RPH3AL: variants seen among roughly 807,000 people sequenced by gnomAD.
The protein encoded by RPH3AL is rabphilin 3A like (without C2 domains).
A neutral mutation model predicts 43.1 loss-of-function variants in RPH3AL; 38 were observed. The observed-to-expected ratio is 0.88, with a 90% confidence interval of 0.68 to 1.15. The LOEUF (loss-of-function observed/expected upper bound fraction) is 1.15, where lower values mean the gene tolerates loss of function less well. RPH3AL is among the 50% of genes most tolerant of loss of function. The pLI is 0.00. For synonymous variants in RPH3AL, 189 were observed against 176.3 expected, an observed-to-expected ratio of 1.07 and a Z score of -0.57; for missense variants, 462 against 423.2, an observed-to-expected ratio of 1.09 and a Z score of -0.81.
chr17:316,349 CT>C (rs2044182677), intron 5 of RPH3AL, among the ~76,000 whole-genome samples: 1 of 151,438 alleles, frequency 6.6e-6, no homozygotes, highest in Non-Finnish European at 1.5e-5. Context: ...GACCTGTAGT[CT>C]CTGTGCTCCA....
In RPH3AL at chr17:213,836, C is replaced by T. The variant is rs577433263; in HGVS notation, c.*16G>A. 1.9e-6 allele frequency: 3 copies of T among 1,607,280 alleles called. No individual in the cohort carries two copies. Among genetic ancestry groups the T allele is most frequent in the South Asian group, 1.1e-5 (1 of 90,924 alleles). ...GGAATCCTCCACAGGGAAGTCTGTT[C>T]CAGGCACCAGACACCTCAGCCCAGG... is the stretch of plus-strand genomic sequence containing the variant. On this transcript the variant is annotated 3_prime_UTR_variant, in exon 10 of 10. Coordinates refer to ENST00000331302, the MANE Select transcript of RPH3AL (RefSeq NM_006987.4).
intron 7 of RPH3AL, among the ~76,000 whole-genome samples, chr17:239,566 T>C (rs1242804672): frequency 6.6e-6 from 1 of 152,208 alleles, no homozygotes; most frequent in African/African-American, 2.4e-5. Context: ...AGTAACTTTA[T>C]AGTAAGCTTT....
chr17:243,608 T>C (rs1348746903), intron 7 of RPH3AL, among the ~76,000 whole-genome samples: 2 of 144,772 alleles, frequency 1.4e-5, no homozygotes, highest in Non-Finnish European at 3.1e-5. Context: ...CCTTCCTCTA[T>C]TGATTACCTT....
At position 249,826 on chromosome 17, in the gene RPH3AL, C is replaced by T. The variant is rs140035840; in HGVS notation, c.439-2541G>A. On this transcript the variant is annotated intron_variant, in intron 6 of 9. Transcript: ENST00000331302. ...CTTTATTTACTAAGCTCCATCACTG[C>T]GGGACCTCTCGGGGCCTTTACCAAG... Among the ~76,000 whole-genome samples, 300 of 143,498 alleles carry T rather than the reference C, an allele frequency of 2.1e-3. 1 individual carries two copies. The highest frequency in any genetic ancestry group is 7.5e-3 in the African/African-American group (284 of 38,066). The allele number at this position is 143,498 out of a possible 152,430, so 94.1% of individuals were successfully genotyped here. A position where few individuals can be genotyped will look rare whatever the true frequency, so the allele number is the denominator to read the frequency against.
At chr17:217,431 T>C (rs9907616) in intron 8 of RPH3AL, among the ~76,000 whole-genome samples, 7,471 of 17,230 alleles carry the variant, frequency 0.43, 2,697 homozygotes, top group African/African-American at 0.5. Context: ...CCTTCTTCTG[T>C]GCCAAAATTG....
At chr17:217,823 C>G (rs867128650) in intron 8 of RPH3AL, among the ~76,000 whole-genome samples, 2 of 108,298 alleles carry the variant, frequency 1.8e-5, no homozygotes, top group South Asian at 4.1e-4. Context: ...TCATTCCCAT[C>G]TGGGGCAGTT....
chr17:244,846 C>T (rs1190231669), intron 7 of RPH3AL, among the ~76,000 whole-genome samples: 1 of 152,108 alleles, frequency 6.6e-6, no homozygotes, highest in East Asian at 1.9e-4. Context: ...AGTATGTGTG[C>T]GTGTGGGCAA....
Position 246,968 on chromosome 17 carries a change from G to T in RPH3AL, c.613+143C>A. The T allele has an allele frequency of 1.1e-6, 1 of 872,848 alleles. No individual in the cohort carries two copies. The highest frequency in any genetic ancestry group is 1.9e-6 in the Non-Finnish European group (1 of 539,856). 54.1% of individuals were successfully genotyped at this position (872,848 alleles called of 1,614,324 possible). ...CTCACTCGGGAGAAGGTGTGGAGCT[G>T]AGGGCACAGGGAGGGACGCATCACC... is the stretch of plus-strand genomic sequence containing the variant. On this transcript the variant is annotated intron_variant, in intron 7 of 9. Transcript: ENST00000331302. This position sits in a 1 kb window ranked among gnomAD's most constrained non-coding sequence, Gnocchi z 4.8.
chr17:338,982 C>T (rs978162523), intron 1 of RPH3AL: 1 of 153,082 alleles, frequency 6.5e-6, no homozygotes, highest in African/African-American at 2.4e-5. Context: ...GCCCAGACTC[C>T]AGCTCCCAGG....
chr17:331,762 CT>C (rs1219799627), intron 2 of RPH3AL: 53 of 1,288,998 alleles, frequency 4.1e-5, no homozygotes, highest in Admixed American at 9.2e-5. Context: ...ACCTCTTGGG[CT>C]CAGAGGGCAG....
chr17:277,625 A>G (rs1045674801), intron 6 of RPH3AL, among the ~76,000 whole-genome samples: 1 of 152,182 alleles, frequency 6.6e-6, no homozygotes, highest in African/African-American at 2.4e-5. Flanking sequence ...GCTTTACTCA[A>G]GACCCTCCAA....
At chr17:244,799 G>A (rs75929675) in intron 7 of RPH3AL, among the ~76,000 whole-genome samples, 6,245 of 152,264 alleles carry the variant, frequency 0.041, 432 homozygotes, top group African/African-American at 0.14. Flanking sequence ...AGTGAGGGGG[G>A]CTCTGCTCCT....
chr17:314,524 CTGTGACT>C (rs2043804356), intron 5 of RPH3AL, among the ~76,000 whole-genome samples: 1 of 143,320 alleles, frequency 7.0e-6, no homozygotes, highest in East Asian at 2.0e-4. Flanking sequence ...CCTGTAGTCC[CTGTGACT>C]CCACCTCCAT....
chr17:213,718 C>A lies in RPH3AL; in HGVS notation c.*134G>T. The A allele has an allele frequency of 1.4e-6, 1 of 733,374 alleles. No individual in the cohort carries two copies. 45.4% of individuals were successfully genotyped at this position (733,374 alleles called of 1,614,324 possible). On this transcript the variant is annotated 3_prime_UTR_variant, in exon 10 of 10. Transcript: ENST00000331302. ...AAAGGCACTGAGCTGGGGAGGCAGACGGCTCCCAACACTGGTTTGTTGAGT... is the reference window on the plus strand; with the variant it reads ...AAAGGCACTGAGCTGGGGAGGCAGAAGGCTCCCAACACTGGTTTGTTGAGT...
At chr17:329,432 A>C (rs1343997281) in intron 2 of RPH3AL, among the ~76,000 whole-genome samples, 1 of 152,178 alleles carries the variant, frequency 6.6e-6, no homozygotes, top group Non-Finnish European at 1.5e-5. Flanking sequence ...GCCGAGATCA[A>C]GCCATTGCAC....
intron 7 of RPH3AL, among the ~76,000 whole-genome samples, chr17:236,870 G>A (rs555018107): frequency 4.7e-4 from 71 of 152,378 alleles, no homozygotes; most frequent in Non-Finnish European, 8.4e-4. Flanking sequence ...CGGGGCATGC[G>A]CTGGGTTTTG....
intron 5 of RPH3AL, among the ~76,000 whole-genome samples, chr17:310,697 C>T (rs1390517208): frequency 6.6e-6 from 1 of 152,212 alleles, no homozygotes; most frequent in Non-Finnish European, 1.5e-5. Context: ...TAATTAATTA[C>T]CCTTAATGGT....
chr17:281,747 C>A (rs1214146805), intron 6 of RPH3AL, 21 bp downstream of exon 6: 1 of 1,605,164 alleles, frequency 6.2e-7, no homozygotes, highest in Admixed American at 1.7e-5. Flanking sequence ...GCCCTCCCCA[C>A]CGTCACCCTG....
intron 1 of RPH3AL, among the ~76,000 whole-genome samples, chr17:351,644 C>A (rs2045355500): frequency 6.6e-6 from 1 of 152,160 alleles, no homozygotes; most frequent in African/African-American, 2.4e-5. Context: ...CTCCACACGC[C>A]ACCAGCCATC....
Sources: gnomAD v4.1 joint callset for allele counts (sites outside exome capture counted in the v4.1 genomes callset) on GRCh38, gnomAD v4.1.1 for gene constraint, Gnocchi (gnomAD v3.1) non-coding constraint, MANE v1.5 for transcripts, NCBI Gene and HGNC (gene_info 2026-07-23, HGNC 2026-07-21) for gene names.